The following ABCG2 variants were observed in gnomAD, a reference collection of about 807,000 sequenced individuals.
ABCG2 encodes broad substrate specificity ATP-binding cassette transporter ABCG2.
ABCG2 carries 80 observed loss-of-function variants against 73.5 expected under a neutral mutation model. The ratio of observed to expected loss-of-function variants is 1.09; its 90% CI spans 0.91 to 1.31. The LOEUF (loss-of-function observed/expected upper bound fraction) is 1.31, where lower values mean the gene tolerates loss of function less well. Among genes scored for constraint, ABCG2 ranks in the 50% most tolerant of loss-of-function variants. The pLI, the probability that ABCG2 is intolerant of heterozygous loss-of-function variation, is 0.00. For synonymous variants in ABCG2, 269 were observed against 282.4 expected (o/e 0.95, Z 0.48); for missense variants, 796 against 786.2 (o/e 1.01, Z -0.15).
At chr4:88,164,601 T>C (rs1334025149) in intron 1 of ABCG2, among the ~76,000 whole-genome samples, 1 of 152,160 alleles carries the variant, frequency 6.6e-6, no homozygotes, top group Non-Finnish European at 1.5e-5. Flanking sequence ...TCCTGAGGCC[T>C]CCCTAGCCAG....
Position 88,107,222 on chromosome 4 carries a change from G to A in ABCG2, c.1239C>T (p.Tyr413=). The A allele has an allele frequency of 6.2e-7, 1 of 1,613,350 alleles. No homozygotes were observed. Among genetic ancestry groups the A allele is most frequent in the South Asian group, 1.1e-5 (1 of 90,876 alleles). Residue 413 remains tyrosine, a synonymous_variant, in exon 10 of 16, where the codon TAC becomes TAT. Transcript: ENST00000237612. ...VVLGLVIGAI[Y]FGLKNDSTGI... is the part of the protein sequence containing the mutation. ...CAGTAGAATCATTTTTTAGCCCAAA[G>A]TAAATGGCACCTATAACCAGTCCCA...
chr4:88,181,398 CAAAAAAAAAAAA>C (rs57417105), intron 1 of ABCG2, among the ~76,000 whole-genome samples: 13 of 96,884 alleles, frequency 1.3e-4, no homozygotes, highest in African/African-American at 3.9e-4. Flanking sequence ...GACTCCATCT[CAAAAAAAAAAAA>C]AAAAAAAAAA....
At chr4:88,172,793 A>G (rs1409802695) in intron 1 of ABCG2, among the ~76,000 whole-genome samples, 1 of 151,996 alleles carries the variant, frequency 6.6e-6, no homozygotes, top group African/African-American at 2.4e-5. Context: ...TCTATTTTGC[A>G]GGAGGGGTTT....
chr4:88,165,889 A>C (rs967997345), intron 1 of ABCG2, among the ~76,000 whole-genome samples: 9 of 151,410 alleles, frequency 5.9e-5, no homozygotes, highest in Non-Finnish European at 1.0e-4. Context: ...AAAAAAAGAG[A>C]GAGAGAAAAT....
intron 1 of ABCG2, among the ~76,000 whole-genome samples, chr4:88,201,228 A>T (rs1729153570): frequency 6.8e-6 from 1 of 147,924 alleles, no homozygotes; most frequent in Non-Finnish European, 1.5e-5. Flanking sequence ...AAAAAAAAAG[A>T]GAGAGGACAT....
At chr4:88,211,337 A>G (rs1729580309) in intron 1 of ABCG2, among the ~76,000 whole-genome samples, 1 of 133,330 alleles carries the variant, frequency 7.5e-6, no homozygotes, top group Non-Finnish European at 1.6e-5. Flanking sequence ...ATTGTACCTG[A>G]TAGGTAATTG....
At chr4:88,093,925 G>GT (rs4148165) in intron 15 of ABCG2, among the ~76,000 whole-genome samples, 1 of 152,116 alleles carries the variant, frequency 6.6e-6, no homozygotes, top group Non-Finnish European at 1.5e-5. Context: ...TGAAAACGGG[G>GT]TTTTTTTCTC....
chr4:88,156,965 G>A (rs1218398665), intron 1 of ABCG2, among the ~76,000 whole-genome samples: 4 of 152,176 alleles, frequency 2.6e-5, no homozygotes, highest in Non-Finnish European at 5.9e-5. Flanking sequence ...ATCTGGGCAT[G>A]GTGGCAGGCG....
At chr4:88,228,533 C>T (rs1016133427) in intron 1 of ABCG2, among the ~76,000 whole-genome samples, 15 of 152,172 alleles carry the variant, frequency 9.9e-5, no homozygotes, top group African/African-American at 2.9e-4. Flanking sequence ...GCTTATGCTA[C>T]AAGGGTTATG....
intron 1 of ABCG2, among the ~76,000 whole-genome samples, chr4:88,168,571 A>C (rs1388050626): frequency 1.3e-5 from 2 of 152,096 alleles, no homozygotes; most frequent in Non-Finnish European, 2.9e-5. Context: ...AAAAAAAAAA[A>C]ACTACGTATT....
intron 1 of ABCG2, among the ~76,000 whole-genome samples, chr4:88,227,616 T>C (rs1328115458): frequency 6.6e-6 from 1 of 152,088 alleles, no homozygotes; most frequent in Non-Finnish European, 1.5e-5. Flanking sequence ...TCTCTGGAGT[T>C]GGAGCCCAAG....
Position 88,219,575 on chromosome 4 carries a change from A to ATTT in ABCG2, c.-20+11418_-20+11419insAAA, listed in dbSNP as rs1729933644. On this transcript the variant is annotated intron_variant, in intron 1 of 15. Transcript: ENST00000515655. ...TCATAATATAAAAATGTACCATTCA[A>ATTT]ATTTTTTTTTTTTTTTTTTTTTTTG... Among the ~76,000 whole-genome samples the ATTT allele has an allele frequency of 1.0e-4, 7 of 68,386 alleles. No individual in the cohort carries two copies. In the East Asian group the frequency reaches 1.6e-3, roughly 15 times the overall value. 44.9% of individuals were successfully genotyped at this position (68,386 alleles called of 152,430 possible).
chr4:88,098,248 A>G (rs1489991150), intron 12 of ABCG2, among the ~76,000 whole-genome samples: 2 of 152,172 alleles, frequency 1.3e-5, no homozygotes, highest in Non-Finnish European at 2.9e-5. Flanking sequence ...TTTAGGACAC[A>G]CCTATTATTT....
At chr4:88,212,153 G>T (rs879844738) in intron 1 of ABCG2, among the ~76,000 whole-genome samples, 7 of 152,078 alleles carry the variant, frequency 4.6e-5, no homozygotes, top group Non-Finnish European at 5.9e-5. Context: ...GGACTCTGGC[G>T]CCCTCTTGTG....
At position 88,099,452 on chromosome 4, in the gene ABCG2, T is replaced by C. The variant is rs925684217; in HGVS notation, c.1368-4A>G. ...GTATCCGCTGATGTATTCATGTCTA[T>C]AGAACAAAAATACGTATCATACATC... On this transcript the variant is annotated splice_polypyrimidine_tract_variant and splice_region_variant and intron_variant, in intron 11 of 15. Transcript: ENST00000237612. 1.9e-6 allele frequency: 3 copies of C among 1,594,660 alleles called. No homozygotes were observed. The highest frequency in any genetic ancestry group is 2.6e-6 in the Non-Finnish European group (3 of 1,173,312).
chr4:88,121,960 A>T (rs1294549503), intron 5 of ABCG2, among the ~76,000 whole-genome samples, 168 bp from the exon 6 acceptor site: 2 of 152,206 alleles, frequency 1.3e-5, no homozygotes, highest in Non-Finnish European at 1.5e-5. Flanking sequence ...CTCTTTTATC[A>T]GATGAGTAAA....
At chr4:88,168,556 C>T (rs1248945895) in intron 1 of ABCG2, among the ~76,000 whole-genome samples, 2 of 147,872 alleles carry the variant, frequency 1.4e-5, no homozygotes, top group African/African-American at 2.5e-5. Context: ...AATTAGACTG[C>T]AGTGAAAAAA....
At chr4:88,206,028 C>G (rs1368539623) in intron 1 of ABCG2, among the ~76,000 whole-genome samples, 1 of 152,170 alleles carries the variant, frequency 6.6e-6, no homozygotes, top group Non-Finnish European at 1.5e-5. Flanking sequence ...TAGTCTCTGC[C>G]GACAATACTT....
chr4:88,159,301 C>A, upstream of ABCG2: 1 of 442,432 alleles, frequency 2.3e-6, no homozygotes, highest in Admixed American at 2.4e-5. Flanking sequence ...AAGCGCTGCT[C>A]GCACCCAGAG....
Sources: allele counts gnomAD v4.1 joint callset (sites outside exome capture counted in the v4.1 genomes callset), GRCh38; gene constraint gnomAD v4.1.1; transcripts MANE v1.5; gene names NCBI Gene and HGNC (gene_info 2026-07-23, HGNC 2026-07-21).